Variants in CDH8 observed in about 807,000 individuals in gnomAD.
CDH8 encodes cadherin 8, also known as cadherin-8.
Under a neutral mutation model 68.1 loss-of-function variants are expected in CDH8, and 17 were observed. The ratio of observed to expected loss-of-function variants is 0.25; its 90% CI spans 0.17 to 0.37. The LOEUF is 0.37. Among genes scored for constraint, CDH8 ranks in the 10% least tolerant of loss-of-function variants. The pLI is 1.00. For missense variants in CDH8, 763 were observed against 999.3 expected, an observed-to-expected ratio of 0.76 and a Z score of 3.19; for synonymous variants, 372 against 365.1, an observed-to-expected ratio of 1.02 and a Z score of -0.21.
chr16:62,001,303 TCTC>T (rs1350150795), intron 2 of CDH8, among the ~76,000 whole-genome samples: 1 of 152,174 alleles, frequency 6.6e-6, no homozygotes, highest in African/African-American at 2.4e-5. Context: ...TTTCACTTCA[TCTC>T]CTTTACTTAG....
At chr16:62,026,245 A>G (rs764291340) in intron 1 of CDH8, among the ~76,000 whole-genome samples, 4 of 152,216 alleles carry the variant, frequency 2.6e-5, no homozygotes, top group Non-Finnish European at 5.9e-5. Context: ...ATGCTAGCAC[A>G]CCTGTAGTGG....
chr16:61,701,490 T>C (rs1447007598), intron 10 of CDH8, among the ~76,000 whole-genome samples: 1 of 152,250 alleles, frequency 6.6e-6, no homozygotes, highest in Admixed American at 6.5e-5. Context: ...ATGAATCATC[T>C]GTGTTCTTTT....
chr16:61,898,234 A>G (rs1963903700), intron 3 of CDH8, among the ~76,000 whole-genome samples: 1 of 152,052 alleles, frequency 6.6e-6, no homozygotes, highest in Admixed American at 6.6e-5. Flanking sequence ...AGGGAGGCGG[A>G]GTTTGCAGTG....
intron 8 of CDH8, among the ~76,000 whole-genome samples, chr16:61,735,096 T>C (rs1959639418): frequency 6.6e-6 from 1 of 152,072 alleles, no homozygotes; most frequent in Non-Finnish European, 1.5e-5. Flanking sequence ...TTGTATCTTC[T>C]CTTCTATTTC....
chr16:61,928,026 C>A (rs1964483410), intron 2 of CDH8, among the ~76,000 whole-genome samples: 1 of 152,154 alleles, frequency 6.6e-6, no homozygotes, highest in Admixed American at 6.6e-5. Context: ...GCAATAGTTG[C>A]ACTTTTGTGA....
At chr16:61,707,928 T>C (rs1964563257) in intron 10 of CDH8, among the ~76,000 whole-genome samples, 2 of 152,172 alleles carry the variant, frequency 1.3e-5, no homozygotes, top group Non-Finnish European at 2.9e-5. Context: ...CATTATTATT[T>C]AATGAAACAA....
chr16:61,921,571 A>T (rs1040347565), intron 2 of CDH8, among the ~76,000 whole-genome samples: 2 of 152,220 alleles, frequency 1.3e-5, no homozygotes, highest in Admixed American at 1.3e-4. Flanking sequence ...GAAATTGCTG[A>T]TGTTACAGAA....
At position 62,021,538 on chromosome 16, in the gene CDH8, C is replaced by T; in HGVS notation, c.-135G>A. 6.9e-7 allele frequency: 1 copy of T among 1,449,362 alleles called. No individual in the cohort carries two copies. Among genetic ancestry groups the T allele is most frequent in the African/African-American group, 1.4e-5 (1 of 70,516 alleles). 89.8% of individuals were successfully genotyped at this position (1,449,362 alleles called of 1,614,324 possible). On this transcript the variant is annotated 5_prime_UTR_variant, in exon 2 of 12. Transcript: ENST00000577390. ...TGCCACGTGTCTATAGCACGGGAAA[C>T]AGACATCATCTAAGCAGCTTTTCTA...
chr16:61,878,690 A>T (rs1343363081), intron 3 of CDH8, among the ~76,000 whole-genome samples: 1 of 152,222 alleles, frequency 6.6e-6, no homozygotes, highest in African/African-American at 2.4e-5. Context: ...TATTTTACAT[A>T]TGATATTATT....
chr16:61,991,960 G>C (rs116873763), intron 2 of CDH8, among the ~76,000 whole-genome samples: 1 of 151,762 alleles, frequency 6.6e-6, no homozygotes, highest in African/African-American at 2.4e-5. Flanking sequence ...GATTTAACAC[G>C]TTGTTGTTGT....
intron 2 of CDH8, among the ~76,000 whole-genome samples, chr16:61,902,391 TA>T (rs756070882): frequency 3.3e-5 from 5 of 152,156 alleles, no homozygotes; most frequent in Admixed American, 6.5e-5. Context: ...ATTCTAATAT[TA>T]TACACGGTGT....
chr16:61,797,306 G>A (rs1298670352), intron 7 of CDH8, among the ~76,000 whole-genome samples: 1 of 152,054 alleles, frequency 6.6e-6, no homozygotes, highest in Non-Finnish European at 1.5e-5. Flanking sequence ...AGTTTTGAAT[G>A]TCGTGGATCT....
chr16:61,735,025 G>A (rs529490939), intron 8 of CDH8, among the ~76,000 whole-genome samples: 27 of 151,876 alleles, frequency 1.8e-4, no homozygotes, highest in Non-Finnish European at 3.4e-4. Flanking sequence ...ATATTTCGTG[G>A]TTTGTGATGA....
intron 10 of CDH8, among the ~76,000 whole-genome samples, chr16:61,709,231 G>A (rs888426653): frequency 1.3e-5 from 2 of 152,010 alleles, no homozygotes; most frequent in Non-Finnish European, 2.9e-5. Flanking sequence ...CCAGAAAAAG[G>A]ACAATTGGCT....
At chr16:62,030,135 C>G (rs1001534588) in intron 1 of CDH8, among the ~76,000 whole-genome samples, 1 of 152,160 alleles carries the variant, frequency 6.6e-6, no homozygotes, top group African/African-American at 2.4e-5. Flanking sequence ...TGACACTTAA[C>G]GTGAACTACA....
intron 2 of CDH8, among the ~76,000 whole-genome samples, chr16:61,921,404 G>A (rs1284360887): frequency 2.6e-5 from 4 of 151,294 alleles, no homozygotes; most frequent in African/African-American, 7.3e-5. Context: ...TCTGTATTTA[G>A]CAGATATTTT....
At chr16:61,851,451 G>T (rs1962936175) in intron 4 of CDH8, among the ~76,000 whole-genome samples, 1 of 151,930 alleles carries the variant, frequency 6.6e-6, no homozygotes, top group East Asian at 1.9e-4. Context: ...CTTTACCCTG[G>T]TCTCTTTAGA....
intron 4 of CDH8, among the ~76,000 whole-genome samples, chr16:61,833,630 A>G (rs1316692443): frequency 6.6e-6 from 1 of 151,892 alleles, no homozygotes; most frequent in Non-Finnish European, 1.5e-5. Flanking sequence ...CTTGTCTCCA[A>G]ACATTTTTTA....
chr16:61,830,720 A>G (rs980108230), intron 4 of CDH8, among the ~76,000 whole-genome samples: 1 of 151,782 alleles, frequency 6.6e-6, no homozygotes, highest in African/African-American at 2.4e-5. Flanking sequence ...GCGACAAGTT[A>G]GTGGTCTCAA....
Sources: allele counts gnomAD v4.1 joint callset (sites outside exome capture counted in the v4.1 genomes callset), GRCh38; gene constraint gnomAD v4.1.1; transcripts MANE v1.5; gene names NCBI Gene and HGNC (gene_info 2026-07-23, HGNC 2026-07-21).